Variants in ZFR2 observed in about 807,000 individuals in gnomAD.
The protein encoded by ZFR2 is zinc finger RNA binding protein 2.
Under a neutral mutation model 105.7 loss-of-function variants are expected in ZFR2, and 104 were observed. The ratio of observed to expected loss-of-function variants is 0.98; its 90% CI spans 0.84 to 1.16. ZFR2 has a LOEUF of 1.16. Ranked by LOEUF, ZFR2 falls within the 50% of genes most tolerant of loss-of-function variation. The pLI, the probability that ZFR2 is intolerant of heterozygous loss-of-function variation, is 0.00. For synonymous variants in ZFR2, 634 were observed against 597.7 expected (o/e 1.06, Z -0.89); for missense variants, 1,425 against 1,355.5 (o/e 1.05, Z -0.80).
intron 1 of ZFR2, among the ~76,000 whole-genome samples, chr19:3,849,247 G>C (rs1046696707): frequency 3.9e-5 from 6 of 152,106 alleles, no homozygotes; most frequent in African/African-American, 1.4e-4. Flanking sequence ...CCCAAGGAAG[G>C]AGCAGGAACC....
chr19:3,847,241 G>A (rs1306859605), intron 1 of ZFR2, among the ~76,000 whole-genome samples: 1 of 152,144 alleles, frequency 6.6e-6, no homozygotes, highest in Non-Finnish European at 1.5e-5. Flanking sequence ...TCATAGAGCC[G>A]GGGGCAGGGG....
At position 3,833,774 on chromosome 19, in the gene ZFR2, C is replaced by T; in HGVS notation, c.269G>A (p.Ser90Asn). 6.4e-7 allele frequency: 1 copy of T among 1,573,396 alleles called. No individual in the cohort carries two copies. The highest frequency in any genetic ancestry group is 1.2e-5 in the South Asian group (1 of 85,780). ...AGCTGCTGACTGTCCGTAGCTGTAA[C>T]TGTCCTATGTGGGGGTTTCGGCAGG... ...TATTMATYQDSYSYGQSAAAR... is the reference protein window; with the variant it reads ...TATTMATYQDNYSYGQSAAAR... The change falls in exon 3 of 19, where the codon AGT becomes AAT. Residue 90 changes from serine (S) to asparagine (N), a missense_variant. Coordinates refer to ENST00000262961, the MANE Select transcript of ZFR2 (RefSeq NM_015174.2).
Position 3,834,381 on chromosome 19 carries a change from G to C in ZFR2, c.264+392C>G, listed in dbSNP as rs1403140398. Among the ~76,000 whole-genome samples the C allele has an allele frequency of 6.6e-6, 1 of 152,130 alleles. No homozygotes were observed. The highest frequency in any genetic ancestry group is 2.4e-5 in the African/African-American group (1 of 41,428). On this transcript the variant is annotated intron_variant, in intron 2 of 18. Transcript: ENST00000262961. The surrounding 1 kb of genome is among the most constrained non-coding windows in gnomAD (Gnocchi z 5.3). ...TTAGAAGGTAGGAATCTGGAGCGTG[G>C]GGAAGGTGGGGTGAGTCCTGGTCTC...
chr19:3,840,866 TA>T (rs2145170978), intron 1 of ZFR2, among the ~76,000 whole-genome samples: 1 of 152,334 alleles, frequency 6.6e-6, no homozygotes, highest in East Asian at 1.9e-4. Context: ...AACAGAATGT[TA>T]AATTTTAAAA....
chr19:3,866,963 C>G, intron 1 of ZFR2, among the ~76,000 whole-genome samples: 1 of 152,330 alleles, frequency 6.6e-6, no homozygotes, highest in African/African-American at 2.4e-5. Flanking sequence ...CAGATGCACT[C>G]CTCATTCCCA....
chr19:3,840,095 C>T (rs546732188), intron 1 of ZFR2, among the ~76,000 whole-genome samples: 7 of 152,302 alleles, frequency 4.6e-5, no homozygotes, highest in South Asian at 2.1e-4. Flanking sequence ...CGAGTCCACA[C>T]GGTTCACTGA....
rs151296863 is a variant in ZFR2 at position 3,812,938 on chromosome 19, G to A, written c.2242+882C>T. Among the ~76,000 whole-genome samples the A allele has an allele frequency of 3.9e-3, 597 of 152,150 alleles. 5 individuals carry two copies. The highest frequency in any genetic ancestry group is 0.01 in the Middle Eastern group (3 of 292). ...TACTAAAAATACAAAAAAATTAACT[G>A]GGTATAGTGGCGCACACCTGTAGTC... On this transcript the variant is annotated intron_variant, in intron 14 of 18. Transcript: ENST00000262961.
chr19:3,816,137 G>A (rs1009000740), intron 13 of ZFR2, among the ~76,000 whole-genome samples: 4 of 151,900 alleles, frequency 2.6e-5, no homozygotes, highest in Non-Finnish European at 5.9e-5. Context: ...CTGGACTCGA[G>A]TGATCCTCCT....
chr19:3,815,523 CT>C (rs1432269915), intron 13 of ZFR2, among the ~76,000 whole-genome samples: 5 of 152,218 alleles, frequency 3.3e-5, no homozygotes, highest in Non-Finnish European at 5.9e-5. Context: ...TTTTGCTTTT[CT>C]TACGGCTTCC....
chr19:3,821,604 CTTTTTTTTTTTTTT>C, intron 9 of ZFR2, 125 bp from the exon 10 acceptor site: 2 of 246,298 alleles, frequency 8.1e-6, no homozygotes, highest in South Asian at 1.5e-4. Flanking sequence ...CTCCCAAAGC[CTTTTTTTTTTTTTT>C]TTTTTTTTTT....
At chr19:3,846,993 G>A (rs926826476) in intron 1 of ZFR2, among the ~76,000 whole-genome samples, 39 of 152,320 alleles carry the variant, frequency 2.6e-4, no homozygotes, top group African/African-American at 7.2e-4. Context: ...AGAGGTCAGC[G>A]GCGGGCAGCA....
At chr19:3,833,813 A>G (rs1212704422) in intron 2 of ZFR2, 35 bp from the exon 3 acceptor site, 1 of 1,524,130 alleles carries the variant, frequency 6.6e-7, no homozygotes, top group East Asian at 2.4e-5. Context: ...GAGACAGAGA[A>G]CGGAGGAGAG....
chr19:3,858,489 A>T lies in ZFR2; in HGVS notation c.53+10476T>A, dbSNP rs2038333722. Among the ~76,000 whole-genome samples, 1 of 152,220 alleles carries T rather than the reference A, an allele frequency of 6.6e-6. No individual in the cohort carries two copies. The highest frequency in any genetic ancestry group is 1.5e-5 in the Non-Finnish European group (1 of 68,040). ...CAAGTGGAAATAAAGATTTTCCTGG[A>T]ATCACAGGCTGAGAAATGTCATCAT... On this transcript the variant is annotated intron_variant, in intron 1 of 18. Coordinates refer to ENST00000262961, the MANE Select transcript of ZFR2 (RefSeq NM_015174.2). The surrounding 1 kb of genome is among the most constrained non-coding windows in gnomAD (Gnocchi z 4.3).
intron 1 of ZFR2, among the ~76,000 whole-genome samples, chr19:3,866,535 A>G (rs1254108187): frequency 2.6e-5 from 4 of 152,042 alleles, no homozygotes; most frequent in Non-Finnish European, 4.4e-5. Flanking sequence ...ATTCAAATCA[A>G]TGACAGAAGC....
intron 2 of ZFR2, 36 bp from the exon 3 acceptor site, chr19:3,833,814 C>T (rs997133773): frequency 2.8e-5 from 43 of 1,516,096 alleles, no homozygotes; most frequent in Middle Eastern, 3.5e-4. Flanking sequence ...AGACAGAGAA[C>T]GGAGGAGAGC....
intron 5 of ZFR2, among the ~76,000 whole-genome samples, chr19:3,830,622 T>C (rs1195975058): frequency 2.0e-5 from 3 of 151,986 alleles, no homozygotes; most frequent in Non-Finnish European, 4.4e-5. Context: ...CTGATAACGG[T>C]GTCCTGAGCC....
At chr19:3,863,841 C>T (rs1055028580) in intron 1 of ZFR2, among the ~76,000 whole-genome samples, 1 of 152,166 alleles carries the variant, frequency 6.6e-6, no homozygotes, top group African/African-American at 2.4e-5. Context: ...CCACTGGGCC[C>T]CCACGTCAGT....
Position 3,819,079 on chromosome 19 carries a change from G to C in ZFR2, c.1897C>G (p.Arg633Gly), listed in dbSNP as rs770641140. Residue 633 changes from arginine (R) to glycine (G), a missense_variant, in exon 12 of 19, where the codon CGG becomes GGG. Arg to Gly is a moderately radical substitution (Grantham distance 125). Coordinates refer to ENST00000262961, the MANE Select transcript of ZFR2 (RefSeq NM_015174.2). Reference protein sequence around the residue: ...LVSDTLAEEDRGRREEEGDKR... With the variant: ...LVSDTLAEEDGGRREEEGDKR... ...TCACCCTCTTCCTCTCGGCGGCCCCGGTCCTCCTCGGCCAGTGTGTCGGAC... is the reference window on the plus strand; with the variant it reads ...TCACCCTCTTCCTCTCGGCGGCCCCCGTCCTCCTCGGCCAGTGTGTCGGAC... 6.2e-7 allele frequency: 1 copy of C among 1,612,076 alleles called. No individual in the cohort carries two copies. Among genetic ancestry groups the C allele is most frequent in the East Asian group, 2.2e-5 (1 of 44,878 alleles).
intron 13 of ZFR2, 103 bp from the exon 14 acceptor site, chr19:3,814,061 C>A: frequency 6.6e-7 from 1 of 1,511,788 alleles, no homozygotes; most frequent in Non-Finnish European, 8.9e-7. Context: ...CCCGTCGGGC[C>A]TCCCACACTT....
Sources: gnomAD v4.1 joint callset for allele counts (sites outside exome capture counted in the v4.1 genomes callset) on GRCh38, gnomAD v4.1.1 for gene constraint, Gnocchi (gnomAD v3.1) non-coding constraint, MANE v1.5 for transcripts, NCBI Gene and HGNC (gene_info 2026-07-23, HGNC 2026-07-21) for gene names.